The following LIN28B variants were observed in gnomAD, a reference collection of about 807,000 sequenced individuals.
LIN28B encodes the protein lin-28 RNA binding posttranscriptional regulator B, also known as protein lin-28 homolog B.
A neutral mutation model predicts 21.9 loss-of-function variants in LIN28B; 5 were observed. The ratio of observed to expected loss-of-function variants is 0.23; its 90% CI spans 0.12 to 0.48. The LOEUF (loss-of-function observed/expected upper bound fraction) is 0.48. Among genes scored for constraint, LIN28B ranks in the 20% least tolerant of loss-of-function variants. The probability of loss-of-function intolerance (pLI) is 0.98; values close to 1 mark genes in which losing one functional copy is unlikely to be tolerated. For synonymous variants in LIN28B, 109 were observed against 111.3 expected (o/e 0.98, Z 0.13); for missense variants, 245 against 310.5 (o/e 0.79, Z 1.58).
chr6:105,010,500 A>G (rs1379534231), intron 2 of LIN28B, among the ~76,000 whole-genome samples: 1 of 152,182 alleles, frequency 6.6e-6, no homozygotes, highest in Admixed American at 6.5e-5. Context: ...ATATTTTTAA[A>G]ATTTTGAAAC....
chr6:105,072,575 A>G (rs978520856), intron 3 of LIN28B, among the ~76,000 whole-genome samples: 4 of 152,174 alleles, frequency 2.6e-5, no homozygotes, highest in African/African-American at 9.6e-5. Flanking sequence ...TTTATTATCT[A>G]GGAAACTTTT....
At position 105,079,100 on chromosome 6, in the gene LIN28B, TA is replaced by T. The variant is rs1582937634; in HGVS notation, c.*318del. 5 of 219,982 alleles carry T rather than the reference TA, an allele frequency of 2.3e-5. No individual in the cohort carries two copies. The East Asian group carries it at 4.0e-4, about 18-fold the overall frequency. The allele number at this position is 219,982 out of a possible 1,614,324, so 13.6% of individuals were successfully genotyped here. Reference sequence around the variant, plus strand: ...CACATATATAAAGAGGCTTTGTCTTTATATATTTGTGTATAGATCAAAGCAC... The same window carrying T: ...CACATATATAAAGAGGCTTTGTCTTTTATATTTGTGTATAGATCAAAGCAC... On this transcript the variant is annotated 3_prime_UTR_variant, in exon 4 of 4. Transcript: ENST00000345080.
At chr6:105,033,245 T>C (rs1771461443) in intron 3 of LIN28B, among the ~76,000 whole-genome samples, 1 of 152,162 alleles carries the variant, frequency 6.6e-6, no homozygotes, top group Admixed American at 6.5e-5. Flanking sequence ...CTGTCATTTT[T>C]GGTTAAAAAT....
chr6:104,997,908 T>G (rs558934675), intron 2 of LIN28B, among the ~76,000 whole-genome samples: 21 of 152,326 alleles, frequency 1.4e-4, no homozygotes, highest in Non-Finnish European at 2.5e-4. Context: ...TGAGCTTGTC[T>G]TCTTCTACAT....
chr6:105,055,795 G>T (rs1386635438), intron 3 of LIN28B, among the ~76,000 whole-genome samples: 2 of 151,768 alleles, frequency 1.3e-5, no homozygotes, highest in South Asian at 2.1e-4. Context: ...TTCAGACAGG[G>T]TCTTCCTTCC....
intron 2 of LIN28B, among the ~76,000 whole-genome samples, chr6:104,981,496 GC>G (rs2114254354): frequency 6.6e-6 from 1 of 152,190 alleles, no homozygotes; most frequent in Non-Finnish European, 1.5e-5. Context: ...CTATCACTTT[GC>G]CCTTTTATTA....
At chr6:104,943,501 A>G (rs1225116006) in intron 2 of LIN28B, among the ~76,000 whole-genome samples, 1 of 152,196 alleles carries the variant, frequency 6.6e-6, no homozygotes, top group Non-Finnish European at 1.5e-5. Flanking sequence ...ATGATCTATA[A>G]ACATTTATCT....
intron 2 of LIN28B, 102 bp downstream of exon 2, chr6:104,958,388 T>C: frequency 1.1e-6 from 1 of 951,286 alleles, no homozygotes; most frequent in Non-Finnish European, 1.5e-6. Context: ...TTCGGTATAT[T>C]GAAAGACAAA....
intron 2 of LIN28B, among the ~76,000 whole-genome samples, chr6:104,939,724 C>T (rs1337704075): frequency 6.6e-6 from 1 of 152,062 alleles, no homozygotes; most frequent in Non-Finnish European, 1.5e-5. Flanking sequence ...ATTTGATTTC[C>T]TATATTTTAA....
intron 2 of LIN28B, among the ~76,000 whole-genome samples, chr6:104,991,632 A>G (rs529921768): frequency 2.6e-5 from 4 of 152,168 alleles, no homozygotes; most frequent in Admixed American, 2.0e-4. Context: ...AGAGGCTGCA[A>G]TCTCGGCACT....
At chr6:105,069,597 G>A (rs911942950) in intron 3 of LIN28B, among the ~76,000 whole-genome samples, 2 of 151,576 alleles carry the variant, frequency 1.3e-5, no homozygotes, top group Non-Finnish European at 2.9e-5. Context: ...CAAGCATGTT[G>A]GCACACACCT....
At chr6:105,015,933 G>C (rs529601304) in intron 2 of LIN28B, among the ~76,000 whole-genome samples, 1 of 152,132 alleles carries the variant, frequency 6.6e-6, no homozygotes, top group African/African-American at 2.4e-5. Context: ...TAGGCTTATA[G>C]TATACATCCT....
chr6:104,947,609 A>G (rs1443567568), intron 2 of LIN28B, among the ~76,000 whole-genome samples: 2 of 151,778 alleles, frequency 1.3e-5, no homozygotes, highest in Non-Finnish European at 2.9e-5. Flanking sequence ...TAAGTTAGGC[A>G]CTCCTATAGC....
intron 2 of LIN28B, among the ~76,000 whole-genome samples, chr6:105,017,072 CA>C (rs56179020): frequency 0.49 from 41,796 of 85,910 alleles, 6,778 homozygotes; most frequent in East Asian, 0.61. Context: ...GACTCTGTCT[CA>C]AAAAAAAAAA....
At chr6:105,028,159 T>A (rs1447669127) in intron 3 of LIN28B, among the ~76,000 whole-genome samples, 1 of 152,216 alleles carries the variant, frequency 6.6e-6, no homozygotes, top group Non-Finnish European at 1.5e-5. Context: ...TCTAGAATGC[T>A]TTACATTCCA....
intron 3 of LIN28B, among the ~76,000 whole-genome samples, chr6:104,951,259 TTAA>T (rs1237248334): frequency 1.8e-4 from 27 of 152,276 alleles, no homozygotes; most frequent in African/African-American, 6.0e-4. Context: ...TATATGAATA[TTAA>T]TAATAACTAC....
chr6:105,057,000 T>C lies in LIN28B; in HGVS notation c.384-21414T>C, dbSNP rs11961597. ...GCGTCTTATATCTTTCCCATTGTTATAGCTGTAGACCACAGAAGAGTAAGT... is the reference window on the plus strand; with the variant it reads ...GCGTCTTATATCTTTCCCATTGTTACAGCTGTAGACCACAGAAGAGTAAGT... On this transcript the variant is annotated intron_variant, in intron 3 of 3. Coordinates refer to ENST00000345080, the MANE Select transcript of LIN28B (RefSeq NM_001004317.4). Among the ~76,000 whole-genome samples, 1,219 of 152,326 alleles carry C rather than the reference T, an allele frequency of 8.0e-3. 12 individuals carry two copies. The highest frequency in any genetic ancestry group is 0.028 in the African/African-American group (1,150 of 41,580).
At chr6:104,998,431 T>G (rs2114285187) in intron 2 of LIN28B, among the ~76,000 whole-genome samples, 1 of 152,318 alleles carries the variant, frequency 6.6e-6, no homozygotes, top group East Asian at 1.9e-4. Context: ...AATTTTATTC[T>G]TTGTATAATA....
chr6:105,050,464 C>T (rs1290061023), intron 3 of LIN28B, among the ~76,000 whole-genome samples: 11 of 151,396 alleles, frequency 7.3e-5, no homozygotes, highest in East Asian at 3.9e-4. Context: ...TAGCCGGGCG[C>T]GGTGGCGGGT....
Sources: allele counts gnomAD v4.1 joint callset (sites outside exome capture counted in the v4.1 genomes callset), GRCh38; gene constraint gnomAD v4.1.1; transcripts MANE v1.5; gene names NCBI Gene and HGNC (gene_info 2026-07-23, HGNC 2026-07-21).